TCF12: variants seen among roughly 807,000 people sequenced by gnomAD.
TCF12 encodes DNA-binding protein HTF4.
TCF12 carries 45 observed loss-of-function variants against 86.0 expected under a neutral mutation model. That is an observed-to-expected ratio of 0.52 (90% CI 0.41 to 0.67). The LOEUF is 0.67. Among genes scored for constraint, TCF12 ranks in the 30% least tolerant of loss-of-function variants. The pLI is 0.00. For synonymous variants in TCF12, 330 were observed against 299.6 expected (o/e 1.10, Z -1.05); for missense variants, 881 against 859.9 (o/e 1.02, Z -0.31).
intron 8 of TCF12, among the ~76,000 whole-genome samples, chr15:57,212,393 C>A (rs984988128): frequency 9.9e-5 from 15 of 152,088 alleles, no homozygotes; most frequent in African/African-American, 3.6e-4. Flanking sequence ...AAGCGATCCT[C>A]CCACCTCAGT....
chr15:57,054,043 A>G (rs1192690578), intron 3 of TCF12, among the ~76,000 whole-genome samples: 2 of 152,182 alleles, frequency 1.3e-5, no homozygotes, highest in Admixed American at 1.3e-4. Flanking sequence ...TTTTGTGAGT[A>G]TGGAAAGAAT....
intron 7 of TCF12, among the ~76,000 whole-genome samples, chr15:57,194,887 C>G (rs534412498): frequency 6.6e-6 from 1 of 152,148 alleles, no homozygotes; most frequent in South Asian, 2.1e-4. Flanking sequence ...TCTTTTTATT[C>G]TATTCACTTA....
chr15:57,203,468 A>G (rs1037011151), intron 8 of TCF12, among the ~76,000 whole-genome samples: 8 of 152,198 alleles, frequency 5.3e-5, no homozygotes, highest in African/African-American at 1.9e-4. Flanking sequence ...ATGTAAGTAA[A>G]TACCTGGAGA....
chr15:56,991,682 A>G (rs1294377410), intron 3 of TCF12, among the ~76,000 whole-genome samples: 1 of 152,222 alleles, frequency 6.6e-6, no homozygotes, highest in Non-Finnish European at 1.5e-5. Flanking sequence ...ATGGCAAAAC[A>G]TTTAACATTT....
intron 3 of TCF12, among the ~76,000 whole-genome samples, chr15:57,024,214 G>GTTTTTTTTTTTTTTTTT (rs2065675315): frequency 8.7e-6 from 1 of 114,858 alleles, no homozygotes; most frequent in African/African-American, 3.9e-5. Context: ...TCAAAAAAGT[G>GTTTTTTTTTTTTTTTTT]TCTTTTTTTT....
At chr15:56,923,123 C>T (rs1446366095) in intron 3 of TCF12, among the ~76,000 whole-genome samples, 1 of 151,952 alleles carries the variant, frequency 6.6e-6, no homozygotes, top group Non-Finnish European at 1.5e-5. Flanking sequence ...ATAAAAACTA[C>T]ATGCCATTTG....
intron 18 of TCF12, among the ~76,000 whole-genome samples, chr15:57,272,487 G>A (rs111977795): frequency 7.2e-5 from 11 of 151,892 alleles, no homozygotes; most frequent in East Asian, 1.9e-4. Context: ...CTTTCTTTTC[G>A]CCAGGTAACC....
intron 3 of TCF12, among the ~76,000 whole-genome samples, chr15:57,005,415 A>G (rs1442837450): frequency 6.6e-6 from 1 of 152,176 alleles, no homozygotes; most frequent in Non-Finnish European, 1.5e-5. Flanking sequence ...GGTCTGTGGA[A>G]TAAACTTGAG....
intron 3 of TCF12, among the ~76,000 whole-genome samples, chr15:56,963,727 C>G (rs1202981702): frequency 6.6e-6 from 1 of 152,160 alleles, no homozygotes; most frequent in East Asian, 1.9e-4. Context: ...TTTAAGTAAT[C>G]TTTGTTCTTT....
intron 3 of TCF12, among the ~76,000 whole-genome samples, chr15:57,033,848 A>G (rs1469843834): frequency 1.3e-5 from 2 of 152,172 alleles, no homozygotes. Flanking sequence ...CAGAGTAGCT[A>G]TTACAAGGGA....
chr15:56,961,667 T>C (rs1359952109), intron 3 of TCF12, among the ~76,000 whole-genome samples: 1 of 152,204 alleles, frequency 6.6e-6, no homozygotes, highest in Admixed American at 6.5e-5. Flanking sequence ...ATTAGTGGGT[T>C]GAGAAAACAC....
intron 5 of TCF12, among the ~76,000 whole-genome samples, chr15:57,128,071 C>T (rs1406093136): frequency 6.6e-6 from 1 of 152,032 alleles, no homozygotes; most frequent in Non-Finnish European, 1.5e-5. Flanking sequence ...GAGGGGATCC[C>T]TTGGAGTTCT....
At chr15:57,049,043 C>T (rs1201702290) in intron 3 of TCF12, among the ~76,000 whole-genome samples, 3 of 152,040 alleles carry the variant, frequency 2.0e-5, no homozygotes, top group Admixed American at 2.0e-4. Flanking sequence ...CCATGTTGAC[C>T]GTGGTCACGT....
rs770642915 is a variant in TCF12, at chr15:57,264,195, CTTTT to C, written c.1745+941_1745+944del. Among the ~76,000 whole-genome samples, 8 of 50,696 alleles carry C rather than the reference CTTTT, an allele frequency of 1.6e-4. No individual in the cohort carries two copies. The East Asian group carries it at 3.3e-3, about 21-fold the overall frequency. 33.3% of individuals were successfully genotyped at this position (50,696 alleles called of 152,430 possible). On this transcript the variant is annotated intron_variant, in intron 18 of 20. Coordinates refer to ENST00000333725, the MANE Select transcript of TCF12 (RefSeq NM_207037.2). ...TATTTTCTTTAAGTTCTTTTGTAAG[CTTTT>C]TTTTTTTTTTTTTTTTTTTGAGGTG...
intron 6 of TCF12, among the ~76,000 whole-genome samples, chr15:57,178,262 A>AT (rs2056096390): frequency 6.6e-6 from 1 of 152,144 alleles, no homozygotes; most frequent in African/African-American, 2.4e-5. Context: ...GGTTAATTGT[A>AT]CTTTTTTTTC....
intron 5 of TCF12, among the ~76,000 whole-genome samples, chr15:57,123,566 C>T (rs1325538475): frequency 2.6e-5 from 4 of 150,970 alleles, no homozygotes; most frequent in African/African-American, 9.8e-5. Context: ...CAGGCTGGAA[C>T]ATAGTGGCAC....
At chr15:57,053,280 C>G (rs895740769) in intron 3 of TCF12, among the ~76,000 whole-genome samples, 7 of 152,152 alleles carry the variant, frequency 4.6e-5, no homozygotes, top group Non-Finnish European at 8.8e-5. Context: ...GGAGAAATGT[C>G]TATTCAAATT....
intron 3 of TCF12, among the ~76,000 whole-genome samples, chr15:56,938,585 C>G (rs949773577): frequency 1.5e-4 from 23 of 150,408 alleles, no homozygotes; most frequent in African/African-American, 5.1e-4. Context: ...AGGATTGGTA[C>G]TAATTCTTCT....
intron 8 of TCF12, among the ~76,000 whole-genome samples, chr15:57,198,055 G>A (rs746088509): frequency 1.1e-4 from 16 of 152,146 alleles, no homozygotes; most frequent in Admixed American, 2.0e-4. Flanking sequence ...CCTTGTCCCT[G>A]TCATTTGAAT....
Sources: gnomAD v4.1 joint callset for allele counts (sites outside exome capture counted in the v4.1 genomes callset) on GRCh38, gnomAD v4.1.1 for gene constraint, MANE v1.5 for transcripts, NCBI Gene and HGNC (gene_info 2026-07-23, HGNC 2026-07-21) for gene names.